OSBPL5: variants seen among roughly 807,000 people sequenced by gnomAD.
OSBPL5 encodes oxysterol-binding protein-related protein 5.
OSBPL5 carries 71 observed loss-of-function variants against 111.2 expected under a neutral mutation model. The ratio of observed to expected loss-of-function variants is 0.64; its 90% confidence interval spans 0.53 to 0.78. OSBPL5 has a LOEUF of 0.78. OSBPL5 is among the 30% of genes least tolerant of loss of function. OSBPL5 has a pLI of 0.00. For synonymous variants in OSBPL5, 549 were observed against 513.9 expected (o/e 1.07, Z -0.93); for missense variants, 1,210 against 1,189.3 (o/e 1.02, Z -0.26).
At chr11:3,158,293 C>T (rs1433118044) in intron 1 of OSBPL5, among the ~76,000 whole-genome samples, 3 of 152,230 alleles carry the variant, frequency 2.0e-5, no homozygotes, top group Non-Finnish European at 2.9e-5. Context: ...CCAGCATGGG[C>T]GCTGGAGTGG....
In OSBPL5 at chr11:3,110,641, C is replaced by G. The variant is rs932412521; in HGVS notation, c.692-2696G>C. On this transcript the variant is annotated intron_variant, in intron 7 of 21. Coordinates refer to ENST00000263650, the MANE Select transcript of OSBPL5 (RefSeq NM_020896.4). This position sits in a 1 kb window ranked among gnomAD's most constrained non-coding sequence, Gnocchi z 5.3. ...AAGCTGGGAACTGCTTAGGGCCAAC[C>G]TGCCTCCCATTCTATTCCAAGTCAC... 3.3e-5 allele frequency among the ~76,000 whole-genome samples: 5 copies of G among 152,190 alleles called. No individual in the cohort carries two copies. The highest frequency in any genetic ancestry group is 7.3e-5 in the Non-Finnish European group (5 of 68,034).
rs757540203 is a variant in OSBPL5, at chr11:3,146,955, G to C, written c.-21-17786C>G. ...TTAGAGGTGGCTCAGCTGAGGGCAC[G>C]GGGGCCTTGGCAGCTGTCACGACCC... On this transcript the variant is annotated intron_variant, in intron 1 of 21. Transcript: ENST00000263650. The surrounding 1 kb of genome is among the most constrained non-coding windows in gnomAD (Gnocchi z 7.8). 6.6e-6 allele frequency among the ~76,000 whole-genome samples: 1 copy of C among 151,592 alleles called. No individual in the cohort carries two copies. Among genetic ancestry groups the C allele is most frequent in the Non-Finnish European group, 1.5e-5 (1 of 67,674 alleles).
intron 1 of OSBPL5, among the ~76,000 whole-genome samples, chr11:3,135,489 G>A (rs1845925475): frequency 6.6e-6 from 1 of 152,240 alleles, no homozygotes; most frequent in Non-Finnish European, 1.5e-5. Context: ...GCAAGGAGGT[G>A]GATGCCCAGG....
intron 14 of OSBPL5, among the ~76,000 whole-genome samples, chr11:3,095,555 A>T (rs1857229512): frequency 6.6e-6 from 1 of 152,200 alleles, no homozygotes; most frequent in Admixed American, 6.5e-5. Flanking sequence ...CCATTGGCCA[A>T]AGATGGGGCA....
At chr11:3,099,832 G>A (rs918947563) in intron 14 of OSBPL5, among the ~76,000 whole-genome samples, 30 of 152,150 alleles carry the variant, frequency 2.0e-4, no homozygotes, top group Non-Finnish European at 4.0e-4. Context: ...ACTTTGGGAG[G>A]CCGAGGCGGG....
chr11:3,157,758 C>A (rs759609987), intron 1 of OSBPL5, among the ~76,000 whole-genome samples: 1 of 152,254 alleles, frequency 6.6e-6, no homozygotes, highest in African/African-American at 2.4e-5. Context: ...CTGGCCCAGC[C>A]TGCTGGGCTT....
chr11:3,107,729 C>T lies in OSBPL5; in HGVS notation c.866+42G>A, dbSNP rs1294383137. On this transcript the variant is annotated intron_variant, in intron 8 of 21. Transcript: ENST00000263650. This position sits in a 1 kb window ranked among gnomAD's most constrained non-coding sequence, Gnocchi z 6.1. ...CCCTCTTCCTCGCCTACAAGGAGAC[C>T]CCGTGAATCACCACCAGCCCCTGTG... is the stretch of plus-strand genomic sequence containing the variant. 1 of 1,601,122 alleles carries T rather than the reference C, an allele frequency of 6.2e-7. No individual in the cohort carries two copies. The highest frequency in any genetic ancestry group is 8.5e-7 in the Non-Finnish European group (1 of 1,176,036).
chr11:3,129,218 G>T, intron 1 of OSBPL5, 49 bp from the exon 2 acceptor site: 2 of 1,352,874 alleles, frequency 1.5e-6, no homozygotes, highest in Non-Finnish European at 1.9e-6. Context: ...CCCGGAAGGG[G>T]CTTCAGAGCC....
rs1345850913 is a variant in OSBPL5 at position 3,088,287 on chromosome 11, C to T, written c.2558G>A (p.Gly853Asp). 3 of 1,607,576 alleles carry T rather than the reference C, an allele frequency of 1.9e-6. No homozygotes were observed. The highest frequency in any genetic ancestry group is 1.7e-5 in the Admixed American group (1 of 59,286). ...CCAGGATCGGGGGCTCTGCAGGAGG[C>T]CTGGGGTCGGTGCCTGTGCTGCCCG... ...TARAAQAPTP[G>D]LLQSPRSWFL... Residue 853 changes from glycine to aspartate, a missense_variant, in exon 22 of 22, where the codon GGC becomes GAC. Coordinates refer to ENST00000263650, the MANE Select transcript of OSBPL5 (RefSeq NM_020896.4).
In OSBPL5 at chr11:3,103,862, A is replaced by AGCCCCCTTCCAGCCTGTGCC. The variant is rs1564830767; in HGVS notation, c.1244+330_1244+331insGGCACAGGCTGGAAGGGGGC. On this transcript the variant is annotated intron_variant, in intron 10 of 21. Coordinates refer to ENST00000263650, the MANE Select transcript of OSBPL5 (RefSeq NM_020896.4). ...TCTGCAGCCCCTTTCCAGTCTGCGC[A>AGCCCCCTTCCAGCCTGTGCC]GCCCCCTTCCTGCCTCTGTAGCCCC... Among the ~76,000 whole-genome samples, 81 of 35,908 alleles carry AGCCCCCTTCCAGCCTGTGCC rather than the reference A, an allele frequency of 2.3e-3. 4 individuals are homozygous for AGCCCCCTTCCAGCCTGTGCC. Among genetic ancestry groups the AGCCCCCTTCCAGCCTGTGCC allele is most frequent in the African/African-American group, 7.1e-3 (77 of 10,832 alleles). 23.6% of individuals were successfully genotyped at this position (35,908 alleles called of 152,430 possible). A position where few individuals can be genotyped will look rare whatever the true frequency, so the allele number is the denominator to read the frequency against.
intron 1 of OSBPL5, among the ~76,000 whole-genome samples, chr11:3,149,640 G>A (rs1472931426): frequency 1.3e-5 from 2 of 152,214 alleles, no homozygotes; most frequent in South Asian, 2.1e-4. Flanking sequence ...CCTCACGGTC[G>A]TCCTGGGAGG....
Position 3,107,642 on chromosome 11 carries a change from A to G in OSBPL5, c.866+129T>C. On this transcript the variant is annotated intron_variant, in intron 8 of 21. Transcript: ENST00000263650. This position sits in a 1 kb window ranked among gnomAD's most constrained non-coding sequence, Gnocchi z 6.1. ...AACCGAGGCTCCCAGGGCACACTGC[A>G]GCGAACAAGTCCCTGCGTGCAGCCT... The G allele has an allele frequency of 7.2e-7, 1 of 1,395,334 alleles. No individual in the cohort carries two copies. Among genetic ancestry groups the G allele is most frequent in the Non-Finnish European group, 9.8e-7 (1 of 1,016,950 alleles). 86.4% of individuals were successfully genotyped at this position (1,395,334 alleles called of 1,614,324 possible).
chr11:3,109,120 C>T lies in OSBPL5; in HGVS notation c.692-1175G>A, dbSNP rs1425554900. On this transcript the variant is annotated intron_variant, in intron 7 of 21. Coordinates refer to ENST00000263650, the MANE Select transcript of OSBPL5 (RefSeq NM_020896.4). The surrounding 1 kb of genome is among the most constrained non-coding windows in gnomAD (Gnocchi z 7.4). ...TTTGTTGTTTTGAGATGGAGTCTCG[C>T]TCTGTCACCCAGGCTGGAGTGCAGT... Among the ~76,000 whole-genome samples, 3 of 151,482 alleles carry T rather than the reference C, an allele frequency of 2.0e-5. No individual in the cohort carries two copies. Among genetic ancestry groups the T allele is most frequent in the Admixed American group, 6.6e-5 (1 of 15,224 alleles).
intron 14 of OSBPL5, among the ~76,000 whole-genome samples, chr11:3,095,837 A>G (rs149164990): frequency 8.5e-5 from 13 of 152,310 alleles, no homozygotes; most frequent in African/African-American, 3.1e-4. Context: ...CCATCTAGCA[A>G]TGCCTTTTAC....
intron 7 of OSBPL5, among the ~76,000 whole-genome samples, chr11:3,115,994 T>G (rs1858194872): frequency 6.6e-6 from 1 of 152,132 alleles, no homozygotes; most frequent in South Asian, 2.1e-4. Flanking sequence ...TTGACAAACT[T>G]TCCAAAATCA....
intron 14 of OSBPL5, among the ~76,000 whole-genome samples, chr11:3,095,653 C>T (rs976978184): frequency 6.6e-6 from 1 of 152,054 alleles, no homozygotes; most frequent in Non-Finnish European, 1.5e-5. Flanking sequence ...TAATGACCTT[C>T]GCCAGTCACC....
At chr11:3,136,102 C>A (rs1009063120) in intron 1 of OSBPL5, among the ~76,000 whole-genome samples, 6 of 152,238 alleles carry the variant, frequency 3.9e-5, no homozygotes, top group Non-Finnish European at 7.3e-5. Flanking sequence ...AGCCCTGTGT[C>A]CCTGAGGATG....
At chr11:3,153,229 TAGGGTTGTTTCA>T (rs1846646396) in intron 1 of OSBPL5, among the ~76,000 whole-genome samples, 2 of 152,084 alleles carry the variant, frequency 1.3e-5, no homozygotes, top group South Asian at 4.1e-4. Context: ...ACTTATGGCA[TAGGGTTGTTTCA>T]AGGGTTAAAG....
chr11:3,090,406 T>TCCA, intron 20 of OSBPL5, 152 bp downstream of exon 20: 1 of 1,037,068 alleles, frequency 9.6e-7, no homozygotes, highest in Middle Eastern at 3.0e-4. Context: ...GGGCAGAGCC[T>TCCA]GCTGGGGGGC....
Sources: allele counts gnomAD v4.1 joint callset (sites outside exome capture counted in the v4.1 genomes callset), GRCh38; gene constraint gnomAD v4.1.1; non-coding constraint Gnocchi (gnomAD v3.1); transcripts MANE v1.5; gene names NCBI Gene and HGNC (gene_info 2026-07-23, HGNC 2026-07-21).